Variants in SEMA3C observed in about 807,000 individuals in gnomAD.
SEMA3C encodes semaphorin-3C.
SEMA3C carries 47 observed loss-of-function variants against 89.4 expected under a neutral mutation model. The observed-to-expected ratio is 0.53, with a 90% CI of 0.42 to 0.67. The LOEUF (loss-of-function observed/expected upper bound fraction) is 0.67, where lower values mean the gene tolerates loss of function less well. Among genes scored for constraint, SEMA3C ranks in the 30% least tolerant of loss-of-function variants. SEMA3C has a pLI of 0.00. For synonymous variants in SEMA3C, 310 were observed against 320.2 expected (o/e 0.97, Z 0.34); for missense variants, 839 against 929.1 (o/e 0.90, Z 1.26).
chr7:80,825,474 C>T (rs182961862), intron 4 of SEMA3C, among the ~76,000 whole-genome samples: 26 of 152,048 alleles, frequency 1.7e-4, no homozygotes, highest in Non-Finnish European at 3.7e-4. Flanking sequence ...AAAATGTCAG[C>T]ATGTATTGAA....
chr7:80,852,016 CTTCT>C, intron 2 of SEMA3C, among the ~76,000 whole-genome samples: 1 of 152,114 alleles, frequency 6.6e-6, no homozygotes, highest in Non-Finnish European at 1.5e-5. Flanking sequence ...AACCCTTGAT[CTTCT>C]CTAAATGCCT....
At chr7:80,853,277 A>G (rs897351538) in intron 2 of SEMA3C, among the ~76,000 whole-genome samples, 11 of 152,154 alleles carry the variant, frequency 7.2e-5, no homozygotes, top group Admixed American at 2.6e-4. Flanking sequence ...TACATATGCA[A>G]AAGAAAGGAA....
chr7:80,918,361 T>C (rs1792327331), intron 1 of SEMA3C: 1 of 152,216 alleles, frequency 6.6e-6, no homozygotes, highest in Non-Finnish European at 1.5e-5. Context: ...GGTGATACAA[T>C]GGCAGGTGAA....
At chr7:80,837,074 G>A (rs894245376) in intron 2 of SEMA3C, among the ~76,000 whole-genome samples, 1 of 152,064 alleles carries the variant, frequency 6.6e-6, no homozygotes, top group African/African-American at 2.4e-5. Flanking sequence ...CACTGTTTGG[G>A]GCTGAAGCAA....
rs551144717 is a variant in SEMA3C, at chr7:80,882,047, C to A, written c.103+34632G>T. ...GATGTTGCATATAGAAGTATTTGCG[C>A]ACACAAGAAGTGCCCACGTTCCTTC... On this transcript the variant is annotated intron_variant, in intron 2 of 17. Transcript: ENST00000265361. Among the ~76,000 whole-genome samples, 257 of 152,258 alleles carry A rather than the reference C, an allele frequency of 1.7e-3. 9 individuals carry two copies. The highest frequency in any genetic ancestry group is 0.017 in the South Asian group (81 of 4,824).
At chr7:80,805,868 TG>T in intron 6 of SEMA3C, 110 bp from the exon 7 acceptor site, 1 of 614,522 alleles carries the variant, frequency 1.6e-6, no homozygotes. Flanking sequence ...TTATGATAAT[TG>T]GTTATAACAA....
intron 2 of SEMA3C, among the ~76,000 whole-genome samples, chr7:80,865,564 G>T (rs1790906221): frequency 6.6e-6 from 1 of 152,090 alleles, no homozygotes; most frequent in Non-Finnish European, 1.5e-5. Context: ...AAGGCAGGTG[G>T]ATCACTTGAG....
intron 2 of SEMA3C, among the ~76,000 whole-genome samples, chr7:80,840,518 G>GAAAAAA (rs1171113816): frequency 1.2e-5 from 1 of 82,526 alleles, no homozygotes; most frequent in Admixed American, 1.4e-4. Flanking sequence ...CTGTCTCCAG[G>GAAAAAA]AAAAAAAAAA....
At position 80,849,457 on chromosome 7, in the gene SEMA3C, C is replaced by CAAA. The variant is rs1432228840; in HGVS notation, c.104-20713_104-20712insTTT. On this transcript the variant is annotated intron_variant, in intron 2 of 17. Coordinates refer to ENST00000265361, the MANE Select transcript of SEMA3C (RefSeq NM_006379.5). Reference sequence around the variant, plus strand: ...CTATAAGTTTCTTTTATCATTATCTCTATTTCATGCATACAAATGTATATG... The same window carrying CAAA: ...CTATAAGTTTCTTTTATCATTATCTCAAATATTTCATGCATACAAATGTATATG... 2.1e-3 allele frequency among the ~76,000 whole-genome samples: 324 copies of CAAA among 151,828 alleles called. 3 individuals are homozygous for CAAA. The East Asian group carries it at 0.024, about 11-fold the overall frequency.
At chr7:80,889,305 A>G (rs1044096204) in intron 2 of SEMA3C, among the ~76,000 whole-genome samples, 1 of 152,246 alleles carries the variant, frequency 6.6e-6, no homozygotes, top group African/African-American at 2.4e-5. Context: ...CAGGAATAAG[A>G]TGTAGTAAAA....
chr7:80,892,490 G>T (rs571446323), intron 2 of SEMA3C, among the ~76,000 whole-genome samples: 1 of 151,620 alleles, frequency 6.6e-6, no homozygotes, highest in Non-Finnish European at 1.5e-5. Flanking sequence ...AACAAAAGTA[G>T]GTCCTAAACA....
At chr7:80,869,693 T>C (rs1352595806) in intron 2 of SEMA3C, among the ~76,000 whole-genome samples, 1 of 152,202 alleles carries the variant, frequency 6.6e-6, no homozygotes, top group East Asian at 1.9e-4. Flanking sequence ...TATAAAATTG[T>C]ATTGCTAGAT....
intron 12 of SEMA3C, among the ~76,000 whole-genome samples, chr7:80,776,013 G>T (rs1324345254): frequency 6.6e-6 from 1 of 151,588 alleles, no homozygotes; most frequent in Admixed American, 6.6e-5. Context: ...AAATGATGGA[G>T]TATACATCCT....
At chr7:80,770,637 G>A (rs1267245749) in intron 12 of SEMA3C, among the ~76,000 whole-genome samples, 3 of 152,096 alleles carry the variant, frequency 2.0e-5, no homozygotes, top group Non-Finnish European at 2.9e-5. Flanking sequence ...CACATCTTTC[G>A]GAAACACCAC....
intron 2 of SEMA3C, among the ~76,000 whole-genome samples, chr7:80,838,602 G>A (rs568029061): frequency 6.6e-6 from 1 of 152,270 alleles, no homozygotes; most frequent in African/African-American, 2.4e-5. Flanking sequence ...CTGCTACAAA[G>A]ATAGTACTTG....
Position 80,828,964 on chromosome 7 carries a change from G to A in SEMA3C, c.104-219C>T, listed in dbSNP as rs190623802. ...GGTCACCTGAAGCCAGGGGTTCAAG[G>A]CCAGCCTGAGCAACATAGTGAGACC... On this transcript the variant is annotated intron_variant, in intron 2 of 17. Coordinates refer to ENST00000265361, the MANE Select transcript of SEMA3C (RefSeq NM_006379.5). Among the ~76,000 whole-genome samples, 424 of 152,138 alleles carry A rather than the reference G, an allele frequency of 2.8e-3. 1 individual carries two copies. The highest frequency in any genetic ancestry group is 9.5e-3 in the African/African-American group (395 of 41,522).
intron 5 of SEMA3C, among the ~76,000 whole-genome samples, chr7:80,814,049 T>C (rs1459403699): frequency 2.6e-5 from 4 of 151,968 alleles, no homozygotes; most frequent in African/African-American, 9.7e-5. Context: ...TAGTCTTTTT[T>C]TCCCCACCCC....
At chr7:80,777,238 C>T in intron 12 of SEMA3C, among the ~76,000 whole-genome samples, 1 of 151,986 alleles carries the variant, frequency 6.6e-6, no homozygotes, top group Non-Finnish European at 1.5e-5. Context: ...AAAATATATT[C>T]CCTAACCTTT....
At chr7:80,776,923 C>T (rs1263338240) in intron 12 of SEMA3C, among the ~76,000 whole-genome samples, 2 of 151,868 alleles carry the variant, frequency 1.3e-5, no homozygotes, top group African/African-American at 4.8e-5. Flanking sequence ...GACAAACATT[C>T]CAAATACTTA....
Sources: allele counts gnomAD v4.1 joint callset (sites outside exome capture counted in the v4.1 genomes callset), GRCh38; gene constraint gnomAD v4.1.1; transcripts MANE v1.5; gene names NCBI Gene and HGNC (gene_info 2026-07-23, HGNC 2026-07-21).